The following RAD51 variants were observed in gnomAD, a reference collection of about 807,000 sequenced individuals.
RAD51 encodes RAD51 recombinase, also known as DNA repair protein RAD51 homolog 1.
Under a neutral mutation model 41.5 loss-of-function variants are expected in RAD51, and 14 were observed. That is an observed-to-expected ratio of 0.34 (90% CI 0.22 to 0.53). RAD51 has a LOEUF of 0.53. RAD51 is among the 20% of genes least tolerant of loss of function. The probability of loss-of-function intolerance (pLI) is 0.95; values close to 1 mark genes in which losing one functional copy is unlikely to be tolerated. For synonymous variants in RAD51, 136 were observed against 148.6 expected, an observed-to-expected ratio of 0.92 and a Z score of 0.62; for missense variants, 234 against 422.0, an observed-to-expected ratio of 0.55 and a Z score of 3.90.
chr15:40,722,804 A>G (rs770021142), intron 6 of RAD51, among the ~76,000 whole-genome samples: 7 of 152,200 alleles, frequency 4.6e-5, no homozygotes, highest in Non-Finnish European at 1.0e-4. Context: ...TTTATTAGCT[A>G]CAACACCAAA....
At position 40,730,910 on chromosome 15, in the gene RAD51, G is replaced by A. The variant is rs1164335400; in HGVS notation, c.897-145G>A. On this transcript the variant is annotated intron_variant, in intron 9 of 9. Coordinates refer to ENST00000267868, the MANE Select transcript of RAD51 (RefSeq NM_002875.5). ...AAATGGATTCTGCCAGGTTGGAAAT[G>A]CACTAAGGAAAACAGTACAGAAACA... is the stretch of plus-strand genomic sequence containing the variant. 2.9e-6 allele frequency: 3 copies of A among 1,043,640 alleles called. No homozygotes were observed. The East Asian group carries it at 7.8e-5, about 27-fold the overall frequency. The allele number at this position is 1,043,640 out of a possible 1,614,324, so 64.6% of individuals were successfully genotyped here.
intron 3 of RAD51, among the ~76,000 whole-genome samples, chr15:40,703,978 A>C (rs1468260794): frequency 6.6e-6 from 1 of 152,024 alleles, no homozygotes; most frequent in Non-Finnish European, 1.5e-5. Context: ...ATCATAGCTC[A>C]CTGCAGCCTC....
intron 5 of RAD51, among the ~76,000 whole-genome samples, chr15:40,716,612 C>T (rs1441679317): frequency 3.4e-5 from 5 of 147,094 alleles, no homozygotes; most frequent in African/African-American, 5.0e-5. Flanking sequence ...GTGATCCACT[C>T]GCTGGGATTA....
intron 9 of RAD51, among the ~76,000 whole-genome samples, chr15:40,730,471 A>T (rs2141884914): frequency 6.7e-6 from 1 of 148,224 alleles, no homozygotes; most frequent in East Asian, 2.0e-4. Context: ...ACATCACTGC[A>T]CTCCAGCCTG....
upstream of RAD51, chr15:40,694,796 C>T (rs1040846792): frequency 6.6e-6 from 1 of 152,194 alleles, no homozygotes; most frequent in Non-Finnish European, 1.5e-5. Flanking sequence ...GGTCTTCGAT[C>T]TGGTAAACAG....
chr15:40,727,589 T>C (rs1221136687), intron 6 of RAD51, among the ~76,000 whole-genome samples: 1 of 152,194 alleles, frequency 6.6e-6, no homozygotes, highest in Non-Finnish European at 1.5e-5. Flanking sequence ...TTGCTGGGAT[T>C]ACAGGTGTGA....
intron 2 of RAD51, among the ~76,000 whole-genome samples, chr15:40,699,961 G>A (rs1894880901): frequency 6.6e-6 from 1 of 151,950 alleles, no homozygotes; most frequent in African/African-American, 2.4e-5. Context: ...CTAGAAGTTA[G>A]GAGTGCAAAA....
chr15:40,706,103 A>T, intron 3 of RAD51, 74 bp from the exon 4 acceptor site: 1 of 1,047,888 alleles, frequency 9.5e-7, no homozygotes, highest in Admixed American at 1.7e-5. Context: ...TTCTTTATAT[A>T]TATTTTTTTG....
At chr15:40,716,585 C>T (rs186347623) in intron 5 of RAD51, among the ~76,000 whole-genome samples, 91 of 150,762 alleles carry the variant, frequency 6.0e-4, no homozygotes, top group Middle Eastern at 6.9e-3. Flanking sequence ...AGGCTGGTCT[C>T]GAACTCCTGA....
At chr15:40,696,558 G>T (rs1357677228) in intron 1 of RAD51, among the ~76,000 whole-genome samples, 3 of 152,172 alleles carry the variant, frequency 2.0e-5, no homozygotes, top group Non-Finnish European at 4.4e-5. Flanking sequence ...GATAGAGCAA[G>T]ACAAAATGAA....
intron 5 of RAD51, among the ~76,000 whole-genome samples, chr15:40,716,385 TA>T (rs1895986105): frequency 6.6e-6 from 1 of 151,816 alleles, no homozygotes; most frequent in South Asian, 2.1e-4. Context: ...TTTTTTTTTT[TA>T]GACAAAGTCT....
At chr15:40,714,982 T>A (rs903988392) in intron 5 of RAD51, among the ~76,000 whole-genome samples, 3 of 151,964 alleles carry the variant, frequency 2.0e-5, no homozygotes, top group African/African-American at 7.3e-5. Flanking sequence ...CAGACAAGAC[T>A]GGGGAATATG....
intron 5 of RAD51, among the ~76,000 whole-genome samples, chr15:40,717,484 CTT>C (rs1567047801): frequency 6.6e-6 from 1 of 152,124 alleles, no homozygotes; most frequent in Admixed American, 6.6e-5. Flanking sequence ...TTCACTTAAA[CTT>C]TGTAGAAAAA....
intron 4 of RAD51, among the ~76,000 whole-genome samples, chr15:40,707,958 C>T (rs992235948): frequency 6.6e-6 from 1 of 150,838 alleles, no homozygotes; most frequent in Non-Finnish European, 1.5e-5. Context: ...CCTCCTGATC[C>T]ATCCACCTCG....
intron 9 of RAD51, among the ~76,000 whole-genome samples, chr15:40,730,511 A>AT (rs1270610149): frequency 1.2e-5 from 1 of 86,084 alleles, no homozygotes; most frequent in Non-Finnish European, 2.5e-5. Flanking sequence ...TCTTGAAAAA[A>AT]TTTTTTTTCT....
chr15:40,727,755 G>T (rs1282439888), intron 6 of RAD51, among the ~76,000 whole-genome samples: 1 of 151,936 alleles, frequency 6.6e-6, no homozygotes, highest in African/African-American at 2.4e-5. Flanking sequence ...TATTTGGTCA[G>T]GATCGTAAGG....
chr15:40,731,587 C>G lies in RAD51; in HGVS notation c.*409C>G. The G allele has an allele frequency of 3.1e-6, 1 of 324,958 alleles. No homozygotes were observed. Among genetic ancestry groups the G allele is most frequent in the Non-Finnish European group, 5.8e-6 (1 of 173,796 alleles). 20.1% of individuals were successfully genotyped at this position (324,958 alleles called of 1,614,324 possible). A position where few individuals can be genotyped will look rare whatever the true frequency, so the allele number is the denominator to read the frequency against. The stretch of plus-strand genomic sequence containing the variant: ...AAAATAAAATGCCTCAGCTATGTAG[C>G]AAAGGGAATGGGTCTGCACAGATTC... On this transcript the variant is annotated 3_prime_UTR_variant, in exon 10 of 10. Transcript: ENST00000267868.
intron 6 of RAD51, among the ~76,000 whole-genome samples, chr15:40,722,272 G>T (rs1896315542): frequency 6.6e-6 from 1 of 152,106 alleles, no homozygotes; most frequent in South Asian, 2.1e-4. Flanking sequence ...AATTAGCCAG[G>T]TGTGGTAGCA....
At chr15:40,722,990 G>T (rs1054226629) in intron 6 of RAD51, among the ~76,000 whole-genome samples, 9 of 152,060 alleles carry the variant, frequency 5.9e-5, no homozygotes, top group African/African-American at 2.2e-4. Flanking sequence ...AATATATAAA[G>T]AACTATTATA....
Sources: gnomAD v4.1 joint callset for allele counts (sites outside exome capture counted in the v4.1 genomes callset) on GRCh38, gnomAD v4.1.1 for gene constraint, MANE v1.5 for transcripts, NCBI Gene and HGNC (gene_info 2026-07-23, HGNC 2026-07-21) for gene names.